Variants in CTNND2 observed in about 807,000 individuals in gnomAD.
CTNND2 encodes catenin delta 2.
In CTNND2, 22 loss-of-function variants were observed where a neutral mutation model predicts 144.4. The ratio of observed to expected loss-of-function variants is 0.15; its 90% CI spans 0.11 to 0.22. CTNND2 has a LOEUF of 0.22. Ranked by LOEUF, CTNND2 falls within the 10% of genes least tolerant of loss-of-function variation. The pLI is 1.00. For missense variants in CTNND2, 1,353 were observed against 1,618.8 expected (o/e 0.84, Z 2.82); for synonymous variants, 751 against 695.6 (o/e 1.08, Z -1.25).
At chr5:11,595,284 A>C (rs774275276) in intron 2 of CTNND2, among the ~76,000 whole-genome samples, 3 of 152,040 alleles carry the variant, frequency 2.0e-5, no homozygotes, top group Non-Finnish European at 4.4e-5. Context: ...TGCAACTGAA[A>C]CCCCAGTGCT....
At chr5:11,865,184 C>T (rs532833244) in intron 1 of CTNND2, among the ~76,000 whole-genome samples, 1 of 152,106 alleles carries the variant, frequency 6.6e-6, no homozygotes, top group Non-Finnish European at 1.5e-5. Flanking sequence ...CATGAGCCAC[C>T]GTGCCAGCCT....
At chr5:11,726,100 T>A (rs996269624) in intron 2 of CTNND2, among the ~76,000 whole-genome samples, 2 of 152,220 alleles carry the variant, frequency 1.3e-5, no homozygotes, top group Non-Finnish European at 2.9e-5. Context: ...AATCTTTTTT[T>A]TTCAAACCTT....
intron 2 of CTNND2, among the ~76,000 whole-genome samples, chr5:11,723,499 TG>T (rs1786807777): frequency 6.6e-6 from 1 of 152,116 alleles, no homozygotes; most frequent in Non-Finnish European, 1.5e-5. Context: ...AAAAAGCATA[TG>T]ATCAATGTAA....
At chr5:11,378,670 A>C (rs1018004145) in intron 7 of CTNND2, among the ~76,000 whole-genome samples, 3 of 152,076 alleles carry the variant, frequency 2.0e-5, no homozygotes, top group Non-Finnish European at 4.4e-5. Context: ...TTGCATTTTG[A>C]CCCCATCCCA....
chr5:11,308,842 C>T (rs1296888860), intron 9 of CTNND2, among the ~76,000 whole-genome samples: 2 of 152,084 alleles, frequency 1.3e-5, no homozygotes, highest in Non-Finnish European at 2.9e-5. Flanking sequence ...AAGAGGTTTA[C>T]TCAGCTCACA....
At chr5:11,254,879 A>G (rs1048467435) in intron 9 of CTNND2, among the ~76,000 whole-genome samples, 1 of 152,138 alleles carries the variant, frequency 6.6e-6, no homozygotes, top group Non-Finnish European at 1.5e-5. Flanking sequence ...GCACATTTTG[A>G]TAGCCCAGAA....
chr5:11,812,191 C>A (rs545698327), intron 1 of CTNND2, among the ~76,000 whole-genome samples: 3 of 152,078 alleles, frequency 2.0e-5, no homozygotes, highest in Non-Finnish European at 4.4e-5. Context: ...TCCTGTTGTG[C>A]GGGGAATATC....
At chr5:11,193,187 T>C (rs1328926760) in intron 11 of CTNND2, among the ~76,000 whole-genome samples, 1 of 152,210 alleles carries the variant, frequency 6.6e-6, no homozygotes, top group Non-Finnish European at 1.5e-5. Context: ...TGGGAGAAGA[T>C]GATTTTTACA....
At chr5:11,735,678 T>C (rs1467721236) in intron 1 of CTNND2, among the ~76,000 whole-genome samples, 2 of 152,096 alleles carry the variant, frequency 1.3e-5, no homozygotes, top group Non-Finnish European at 2.9e-5. Flanking sequence ...ATAAGTCTAA[T>C]GAGATCTGAT....
chr5:11,273,105 A>G (rs888585948), intron 9 of CTNND2, among the ~76,000 whole-genome samples: 1 of 152,186 alleles, frequency 6.6e-6, no homozygotes, highest in Admixed American at 6.5e-5. Flanking sequence ...TAGTTTTGTG[A>G]AAATGTGTTT....
intron 1 of CTNND2, among the ~76,000 whole-genome samples, chr5:11,836,623 TGAAAAAG>T (rs531007998): frequency 1.5e-4 from 23 of 152,036 alleles, no homozygotes; most frequent in Non-Finnish European, 2.6e-4. Context: ...TTCTCTACTT[TGAAAAAG>T]GAAATACATC....
intron 1 of CTNND2, among the ~76,000 whole-genome samples, chr5:11,824,330 C>A (rs140255592): frequency 6.6e-6 from 1 of 152,044 alleles, no homozygotes; most frequent in Admixed American, 6.5e-5. Flanking sequence ...CTTCTCCACA[C>A]CTTTGCTATA....
intron 9 of CTNND2, among the ~76,000 whole-genome samples, chr5:11,243,548 G>A (rs142557490): frequency 5.2e-4 from 79 of 152,310 alleles, no homozygotes; most frequent in African/African-American, 1.8e-3. Context: ...AGCCAAACTC[G>A]TAACTCTCAT....
At chr5:11,087,451 G>A (rs11133637) in intron 15 of CTNND2, among the ~76,000 whole-genome samples, 72,303 of 152,004 alleles carry the variant, frequency 0.48, 17,476 homozygotes, top group African/African-American at 0.58. Flanking sequence ...CAGCTGGAAA[G>A]GAACTGTGCT....
chr5:11,429,287 T>C (rs1470565965), intron 3 of CTNND2, among the ~76,000 whole-genome samples: 2 of 152,256 alleles, frequency 1.3e-5, no homozygotes, highest in Non-Finnish European at 2.9e-5. Flanking sequence ...TCAAGCTTTC[T>C]ATTAAATGAA....
At chr5:11,250,491 C>CTCTCTCTCTCTATATATATA (rs869141186) in intron 9 of CTNND2, among the ~76,000 whole-genome samples, 47 of 64,088 alleles carry the variant, frequency 7.3e-4, no homozygotes, top group Admixed American at 1.2e-3. Flanking sequence ...CTCTCTCTCT[C>CTCTCTCTCTCTATATATATA]TATATATATA....
At chr5:11,094,660 A>C (rs1348836044) in intron 15 of CTNND2, among the ~76,000 whole-genome samples, 1 of 151,894 alleles carries the variant, frequency 6.6e-6, no homozygotes, top group Non-Finnish European at 1.5e-5. Flanking sequence ...TTGTATTTTT[A>C]ATAGAGACAG....
intron 3 of CTNND2, among the ~76,000 whole-genome samples, chr5:11,466,077 A>G (rs983338762): frequency 5.3e-5 from 8 of 152,190 alleles, no homozygotes; most frequent in African/African-American, 1.4e-4. Flanking sequence ...TAGTATGATC[A>G]TAGCTCACTG....
At chr5:11,755,150 C>A (rs1428502466) in intron 1 of CTNND2, among the ~76,000 whole-genome samples, 1 of 151,650 alleles carries the variant, frequency 6.6e-6, no homozygotes, top group Non-Finnish European at 1.5e-5. Flanking sequence ...TAACAAATTC[C>A]CTCAGCATCT....
Sources: allele counts gnomAD v4.1 joint callset (sites outside exome capture counted in the v4.1 genomes callset), GRCh38; gene constraint gnomAD v4.1.1; transcripts MANE v1.5; gene names NCBI Gene and HGNC (gene_info 2026-07-23, HGNC 2026-07-21).